Variants in BLOC1S6 observed in about 807,000 individuals in gnomAD.
The protein encoded by BLOC1S6 is biogenesis of lysosomal organelles complex 1 subunit 6, also known as biogenesis of lysosome-related organelles complex 1 subunit 6.
BLOC1S6 carries 24 observed loss-of-function variants against 24.7 expected under a neutral mutation model. That is an observed-to-expected ratio of 0.97 (90% CI 0.70 to 1.37). The LOEUF (loss-of-function observed/expected upper bound fraction) is 1.37, where lower values mean the gene tolerates loss of function less well. BLOC1S6 is among the 40% of genes most tolerant of loss of function. The pLI is 0.00. For missense variants in BLOC1S6, 175 were observed against 196.2 expected, an observed-to-expected ratio of 0.89 and a Z score of 0.64; for synonymous variants, 76 against 72.6, an observed-to-expected ratio of 1.05 and a Z score of -0.23.
chr15:45,592,351 G>A, intron 2 of BLOC1S6, 75 bp downstream of exon 2: 13 of 1,535,470 alleles, frequency 8.5e-6, no homozygotes, highest in Non-Finnish European at 1.2e-5. Flanking sequence ...TGTATACTGT[G>A]TTAAGACATA....
intron 1 of BLOC1S6, among the ~76,000 whole-genome samples, chr15:45,589,938 A>G (rs1033613796): frequency 2.0e-5 from 3 of 152,206 alleles, no homozygotes; most frequent in Non-Finnish European, 4.4e-5. Flanking sequence ...GTTAAAATGT[A>G]TGTATATATT....
At position 45,592,253 on chromosome 15, in the gene BLOC1S6, A is replaced by G; in HGVS notation, c.201A>G (p.Ser67=). ...ATTATTTGCCAGATCTGCAGAGATCAAAACAAGCCCTCCAGGAACTCACGT... is the reference window on the plus strand; with the variant it reads ...ATTATTTGCCAGATCTGCAGAGATCGAAACAAGCCCTCCAGGAACTCACGT... ...LSHYLPDLQR[S]KQALQELTQN... is the part of the protein sequence containing the mutation. Residue 67 remains serine, a synonymous_variant, in exon 2 of 5, where the codon TCA becomes TCG. Coordinates refer to ENST00000220531, the MANE Select transcript of BLOC1S6 (RefSeq NM_012388.4). 1 of 1,614,092 alleles carries G rather than the reference A, an allele frequency of 6.2e-7. No homozygotes were observed. Among genetic ancestry groups the G allele is most frequent in the South Asian group, 1.1e-5 (1 of 91,088 alleles).
chr15:45,587,555 C>T (rs1893721521), intron 1 of BLOC1S6, 30 bp downstream of exon 1: 9 of 1,546,564 alleles, frequency 5.8e-6, no homozygotes, highest in Admixed American at 1.9e-5. Flanking sequence ...AAGCGCGGCC[C>T]GGGCTGGGTG....
At chr15:45,592,090 TA>T (rs1893907243) in intron 1 of BLOC1S6, 44 bp from the exon 2 acceptor site, 1 of 1,603,544 alleles carries the variant, frequency 6.2e-7, no homozygotes, top group African/African-American at 1.4e-5. Context: ...CCTAAAAAAA[TA>T]AAATAAATAA....
At chr15:45,591,703 ACTATAAG>A (rs762243566) in intron 1 of BLOC1S6, among the ~76,000 whole-genome samples, 1 of 152,194 alleles carries the variant, frequency 6.6e-6, no homozygotes, top group Admixed American at 6.5e-5. Context: ...TCCAGTGAAA[ACTATAAG>A]TCCTCTGCCC....
intron 2 of BLOC1S6, among the ~76,000 whole-genome samples, chr15:45,595,969 G>A (rs1894059732): frequency 6.6e-6 from 1 of 152,102 alleles, no homozygotes; most frequent in East Asian, 1.9e-4. Flanking sequence ...CACCACGCCT[G>A]TCTAATTTTT....
At chr15:45,594,262 T>C (rs1382001412) in intron 2 of BLOC1S6, among the ~76,000 whole-genome samples, 6 of 152,162 alleles carry the variant, frequency 3.9e-5, no homozygotes, top group Non-Finnish European at 5.9e-5. Context: ...GAAAAAAATT[T>C]AGCTTTATAT....
intron 4 of BLOC1S6, chr15:45,605,782 G>GT: frequency 2.7e-6 from 1 of 369,878 alleles, no homozygotes; most frequent in Non-Finnish European, 5.1e-6. Context: ...TAGAGACAGC[G>GT]TTCTACCATG....
intron 2 of BLOC1S6, chr15:45,599,508 A>C (rs1220671771): frequency 7.4e-6 from 1 of 135,532 alleles, no homozygotes; most frequent in Non-Finnish European, 1.5e-5. Flanking sequence ...ACCCCATCAA[A>C]AAGTGGGCGA....
At chr15:45,587,319 T>C, upstream of BLOC1S6, 1 of 942,896 alleles carries the variant, frequency 1.1e-6, no homozygotes, top group African/African-American at 1.6e-5. Flanking sequence ...CGCAGTTTTT[T>C]CGCCCCCGTC....
intron 1 of BLOC1S6, chr15:45,587,877 G>A: frequency 4.6e-6 from 3 of 655,878 alleles, no homozygotes; most frequent in South Asian, 1.7e-5. Context: ...ATTCAGAGAG[G>A]TGACGTATCC....
intron 2 of BLOC1S6, among the ~76,000 whole-genome samples, chr15:45,595,012 G>C (rs1027141713): frequency 6.6e-6 from 1 of 152,102 alleles, no homozygotes; most frequent in Non-Finnish European, 1.5e-5. Flanking sequence ...ACAGGGTAGT[G>C]CCTGGGAGGT....
intron 3 of BLOC1S6, 80 bp downstream of exon 3, chr15:45,603,267 T>C (rs779713642): frequency 9.9e-5 from 87 of 879,898 alleles, no homozygotes; most frequent in South Asian, 1.5e-4. Flanking sequence ...ATAGCTAAGA[T>C]TTTAAGCTTA....
At chr15:45,597,692 G>C (rs1001554532) in intron 2 of BLOC1S6, among the ~76,000 whole-genome samples, 1 of 152,272 alleles carries the variant, frequency 6.6e-6, no homozygotes, top group East Asian at 1.9e-4. Context: ...ACATAGGAAA[G>C]AAATTGACTT....
At chr15:45,604,949 G>A (rs1416094507) in intron 3 of BLOC1S6, among the ~76,000 whole-genome samples, 4 of 152,200 alleles carry the variant, frequency 2.6e-5, no homozygotes, top group African/African-American at 4.8e-5. Context: ...CCCAAGGAAT[G>A]GATTAAACTT....
intron 1 of BLOC1S6, among the ~76,000 whole-genome samples, chr15:45,590,100 C>T (rs940560916): frequency 7.2e-5 from 11 of 152,050 alleles, no homozygotes; most frequent in South Asian, 6.2e-4. Flanking sequence ...CCTTAAGCAA[C>T]GGCATAATTG....
chr15:45,599,826 A>T (rs1471859996), intron 2 of BLOC1S6, among the ~76,000 whole-genome samples: 5 of 123,020 alleles, frequency 4.1e-5, no homozygotes, highest in African/African-American at 1.8e-4. Context: ...CCATCCCATT[A>T]CTGGGTATAT....
chr15:45,605,153 T>TAAAA (rs1894403922), intron 3 of BLOC1S6, among the ~76,000 whole-genome samples: 1 of 152,240 alleles, frequency 6.6e-6, no homozygotes, highest in African/African-American at 2.4e-5. Context: ...GAATTATATG[T>TAAAA]TTTTAAAGCA....
rs1894562358 is a variant in BLOC1S6, at chr15:45,608,552, TTTTTG to T, written c.*2043_*2047del. 6.6e-6 allele frequency: 1 copy of T among 152,262 alleles called. No homozygotes were observed. Among genetic ancestry groups the T allele is most frequent in the Non-Finnish European group, 1.5e-5 (1 of 68,060 alleles). The allele number at this position is 152,262 out of a possible 1,614,324, so 9.4% of individuals were successfully genotyped here. ...GTTTTCTTTGTTTGTTTTGCTTTGC[TTTTTG>T]TTTTTAAAGTTTCCCCCAGTGATTC... On this transcript the variant is annotated 3_prime_UTR_variant, in exon 5 of 5. Transcript: ENST00000220531.
Sources: allele counts gnomAD v4.1 joint callset (sites outside exome capture counted in the v4.1 genomes callset), GRCh38; gene constraint gnomAD v4.1.1; transcripts MANE v1.5; gene names NCBI Gene and HGNC (gene_info 2026-07-23, HGNC 2026-07-21).